TIGAR: variants seen among roughly 807,000 people sequenced by gnomAD.
TIGAR encodes the protein TP53 induced glycolysis regulatory phosphatase.
A neutral mutation model predicts 17.9 loss-of-function variants in TIGAR; 7 were observed. The observed-to-expected ratio is 0.39, with a 90% CI of 0.22 to 0.73. TIGAR has a LOEUF of 0.73. Ranked by LOEUF, TIGAR falls within the 30% of genes least tolerant of loss-of-function variation. TIGAR has a pLI of 0.42. For missense variants in TIGAR, 258 were observed against 327.4 expected (o/e 0.79, Z 1.64); for synonymous variants, 94 against 108.6 (o/e 0.87, Z 0.84).
In TIGAR at chr12:4,332,238, C is replaced by CTTTTCTTTTT. The variant is rs1555092397; in HGVS notation, c.70+925_70+926insCTTTTTTTTT. ...ATAAGCATTCAAGGCTCATGTATTT[C>CTTTTCTTTTT]TTTTTTTTTTTTTTTTTTTTTTGAG... On this transcript the variant is annotated intron_variant, in intron 2 of 5. Transcript: ENST00000179259. Among the ~76,000 whole-genome samples, 431 of 95,336 alleles carry CTTTTCTTTTT rather than the reference C, an allele frequency of 4.5e-3. 9 individuals carry two copies. The highest frequency in any genetic ancestry group is 0.017 in the African/African-American group (412 of 24,820). 62.5% of individuals were successfully genotyped at this position (95,336 alleles called of 152,430 possible).
intron 1 of TIGAR, chr12:4,324,822 C>A: frequency 3.5e-6 from 2 of 564,366 alleles, no homozygotes; most frequent in South Asian, 2.3e-5. Flanking sequence ...CTTGTCGGAT[C>A]CTCAGAAAAG....
rs375210381 is a variant in TIGAR at position 4,359,815 on chromosome 12, C to T, written c.*7124C>T. Among the ~76,000 whole-genome samples the T allele has an allele frequency of 1.3e-5, 2 of 152,282 alleles. No homozygotes were observed. The stretch of plus-strand genomic sequence containing the variant: ...TTTTTCCATGGTGGTTGTACCATTT[C>T]ATGCTTATCAACAATGAGTTCTAGG... On this transcript the variant is annotated 3_prime_UTR_variant, in exon 6 of 6. Coordinates refer to ENST00000179259, the MANE Select transcript of TIGAR (RefSeq NM_020375.3).
intron 3 of TIGAR, among the ~76,000 whole-genome samples, chr12:4,348,003 G>A (rs548976221): frequency 2.0e-5 from 3 of 152,108 alleles, no homozygotes; most frequent in African/African-American, 4.8e-5. Flanking sequence ...GAGTGTGGTG[G>A]CACTTGCCTG....
intron 3 of TIGAR, among the ~76,000 whole-genome samples, chr12:4,343,643 G>A (rs767097451): frequency 8.5e-5 from 13 of 152,182 alleles, no homozygotes; most frequent in South Asian, 2.1e-4. Context: ...GGTACATAAC[G>A]AAATGAAGGC....
rs117672421 is a variant in TIGAR at position 4,356,557 on chromosome 12, C to T, written c.*3866C>T. On this transcript the variant is annotated 3_prime_UTR_variant, in exon 6 of 6. Coordinates refer to ENST00000179259, the MANE Select transcript of TIGAR (RefSeq NM_020375.3). ...ACCAGACCAGTGCATCTGTTACCAT[C>T]GGTGAGCCCACATTACACTGACATA... Among the ~76,000 whole-genome samples, 151 of 152,252 alleles carry T rather than the reference C, an allele frequency of 9.9e-4. No individual in the cohort carries two copies. In the East Asian group the frequency reaches 0.02, roughly 20 times the overall value.
intron 3 of TIGAR, among the ~76,000 whole-genome samples, chr12:4,342,830 A>C (rs1246977193): frequency 6.6e-6 from 1 of 152,216 alleles, no homozygotes; most frequent in Non-Finnish European, 1.5e-5. Context: ...TGCATCAACT[A>C]ATGAGCAAAA....
chr12:4,349,438 G>A (rs1338576383), intron 3 of TIGAR, among the ~76,000 whole-genome samples: 1 of 150,214 alleles, frequency 6.7e-6, no homozygotes, highest in Non-Finnish European at 1.5e-5. Context: ...TTTTTTTTGA[G>A]ATGGAGTCTC....
At chr12:4,351,514 A>G in intron 5 of TIGAR, 137 bp downstream of exon 5, 1 of 659,532 alleles carries the variant, frequency 1.5e-6, no homozygotes, top group Middle Eastern at 4.3e-4. Flanking sequence ...TTAGCAAATT[A>G]TTCTTTTCTA....
At chr12:4,327,410 G>GAAAA (rs541221100) in intron 1 of TIGAR, among the ~76,000 whole-genome samples, 7 of 85,056 alleles carry the variant, frequency 8.2e-5, no homozygotes, top group Admixed American at 1.3e-4. Context: ...CCCCATCTCA[G>GAAAA]AAAAAAAAAA....
chr12:4,325,199 C>A lies in TIGAR; in HGVS notation c.32+3896C>A, dbSNP rs572591780. On this transcript the variant is annotated intron_variant, in intron 1 of 5. Coordinates refer to ENST00000179259, the MANE Select transcript of TIGAR (RefSeq NM_020375.3). ...TCTGGTGATCCGCCTGCCTCGGCCT[C>A]CCAAAGTGTTGGGATTACAGGCGTG... is the stretch of plus-strand genomic sequence containing the variant. Among the ~76,000 whole-genome samples, 2 of 152,086 alleles carry A rather than the reference C, an allele frequency of 1.3e-5. 1 individual carries two copies. The highest frequency in any genetic ancestry group is 4.2e-4 in the South Asian group (2 of 4,816).
chr12:4,356,974 A>G lies in TIGAR; in HGVS notation c.*4283A>G, dbSNP rs973185351. On this transcript the variant is annotated 3_prime_UTR_variant, in exon 6 of 6. Transcript: ENST00000179259. ...TACTATTCATTTCCATTTTTGGATG[A>G]GGATTCTCCTTTATTGCTTTTTAAC... Among the ~76,000 whole-genome samples, 1 of 152,206 alleles carries G rather than the reference A, an allele frequency of 6.6e-6. No individual in the cohort carries two copies. The highest frequency in any genetic ancestry group is 1.5e-5 in the Non-Finnish European group (1 of 68,042).
intron 2 of TIGAR, among the ~76,000 whole-genome samples, chr12:4,333,913 T>C (rs1403261464): frequency 3.3e-5 from 5 of 152,212 alleles, no homozygotes; most frequent in Non-Finnish European, 5.9e-5. Context: ...AATCTGTCTT[T>C]TAACTGGCAG....
intron 1 of TIGAR, among the ~76,000 whole-genome samples, chr12:4,322,776 C>CCTTAGAAAT (rs1378081395): frequency 2.6e-5 from 4 of 152,182 alleles, no homozygotes; most frequent in Admixed American, 2.6e-4. Flanking sequence ...TTAATGGCTA[C>CCTTAGAAAT]CTTAGAAATC....
intron 1 of TIGAR, among the ~76,000 whole-genome samples, chr12:4,324,216 G>A (rs1334747954): frequency 6.6e-6 from 1 of 152,002 alleles, no homozygotes; most frequent in African/African-American, 2.4e-5. Flanking sequence ...TCCAACACGT[G>A]TAGGTTGGCA....
chr12:4,334,705 T>C (rs1471860356), intron 2 of TIGAR, among the ~76,000 whole-genome samples: 1 of 152,216 alleles, frequency 6.6e-6, no homozygotes, highest in Non-Finnish European at 1.5e-5. Flanking sequence ...AGTCCTCTAG[T>C]GTGTGTAGAG....
At chr12:4,344,777 A>G (rs1482052343) in intron 3 of TIGAR, among the ~76,000 whole-genome samples, 3 of 152,218 alleles carry the variant, frequency 2.0e-5, no homozygotes, top group Non-Finnish European at 4.4e-5. Flanking sequence ...GCAATCAGGC[A>G]GGAGAAAGAA....
chr12:4,348,644 A>G (rs1174303516), intron 3 of TIGAR, among the ~76,000 whole-genome samples: 1 of 152,252 alleles, frequency 6.6e-6, no homozygotes, highest in African/African-American at 2.4e-5. Context: ...GAGTTTCAGA[A>G]AAGAATAGTG....
intron 1 of TIGAR, among the ~76,000 whole-genome samples, chr12:4,329,621 G>A (rs560707208): frequency 6.6e-6 from 1 of 152,282 alleles, no homozygotes; most frequent in Admixed American, 6.5e-5. Context: ...ACGGGCATGA[G>A]CCACCACGTC....
chr12:4,323,947 T>G (rs1471705471), intron 1 of TIGAR, among the ~76,000 whole-genome samples: 2 of 152,222 alleles, frequency 1.3e-5, no homozygotes, highest in Admixed American at 6.5e-5. Context: ...TGTAATGACT[T>G]TTTGAAGAGT....
Sources: allele counts gnomAD v4.1 joint callset (sites outside exome capture counted in the v4.1 genomes callset), GRCh38; gene constraint gnomAD v4.1.1; transcripts MANE v1.5; gene names NCBI Gene and HGNC (gene_info 2026-07-23, HGNC 2026-07-21).